HHIP: variants seen among roughly 807,000 people sequenced by gnomAD.
HHIP encodes hedgehog-interacting protein.
HHIP carries 12 observed loss-of-function variants against 74.0 expected under a neutral mutation model. The observed-to-expected ratio is 0.16, with a 90% confidence interval of 0.10 to 0.26. The LOEUF is 0.26. Among genes scored for constraint, HHIP ranks in the 10% least tolerant of loss-of-function variants. The probability of loss-of-function intolerance (pLI) is 1.00; values close to 1 mark genes in which losing one functional copy is unlikely to be tolerated. For synonymous variants in HHIP, 309 were observed against 311.6 expected, an observed-to-expected ratio of 0.99 and a Z score of 0.09; for missense variants, 788 against 845.0, an observed-to-expected ratio of 0.93 and a Z score of 0.84.
intron 2 of HHIP, among the ~76,000 whole-genome samples, chr4:144,655,406 G>A (rs2220514): frequency 0.37 from 55,973 of 151,950 alleles, 11,466 homozygotes; most frequent in South Asian, 0.52. Flanking sequence ...GAAGCATATC[G>A]ATGGACGTCT....
At position 144,719,938 on chromosome 4, in the gene HHIP, A is replaced by T. The variant is rs1730584792; in HGVS notation, c.1760+982A>T. Reference sequence around the variant, plus strand: ...ATTCTTTCTCAATTGCAAATTGTATATGTTTTTCTGAGATTTTGTCCTTTT... The same window carrying T: ...ATTCTTTCTCAATTGCAAATTGTATTTGTTTTTCTGAGATTTTGTCCTTTT... On this transcript the variant is annotated intron_variant, in intron 11 of 12. Transcript: ENST00000296575. Among the ~76,000 whole-genome samples, 3 of 152,172 alleles carry T rather than the reference A, an allele frequency of 2.0e-5. No homozygotes were observed. In the South Asian group the frequency reaches 6.2e-4, roughly 32 times the overall value.
At position 144,646,199 on chromosome 4, in the gene HHIP, C is replaced by T. The variant is rs1249224071; in HGVS notation, c.-477C>T. Reference sequence around the variant, plus strand: ...AGCTGCAGCCGCCGGCAGAGGAGACCTCAGCATCATCTAGAGCCCAGCGCT... The same window carrying T: ...AGCTGCAGCCGCCGGCAGAGGAGACTTCAGCATCATCTAGAGCCCAGCGCT... On this transcript the variant is annotated 5_prime_UTR_variant, in exon 1 of 13. Transcript: ENST00000296575. The T allele has an allele frequency of 1.9e-5, 3 of 156,992 alleles. No homozygotes were observed. Among genetic ancestry groups the T allele is most frequent in the Non-Finnish European group, 4.2e-5 (3 of 70,902 alleles). The allele number at this position is 156,992 out of a possible 1,614,324, so 9.7% of individuals were successfully genotyped here. A position where few individuals can be genotyped will look rare whatever the true frequency, so the allele number is the denominator to read the frequency against.
rs1210616410 is a variant in HHIP at position 144,667,355 on chromosome 4, AT to A, written c.831+7518del. ...CAGAGTCAGACCTCATCTCAAAAAA[AT>A]AATAAATAATAAATAGAACAAAATG... On this transcript the variant is annotated intron_variant, in intron 4 of 12. Coordinates refer to ENST00000296575, the MANE Select transcript of HHIP (RefSeq NM_022475.3). Among the ~76,000 whole-genome samples the A allele has an allele frequency of 2.0e-5, 3 of 152,302 alleles. No homozygotes were observed. The East Asian group carries it at 5.8e-4, about 29-fold the overall frequency.
At chr4:144,677,431 T>G (rs1028214463) in intron 4 of HHIP, among the ~76,000 whole-genome samples, 1 of 152,152 alleles carries the variant, frequency 6.6e-6, no homozygotes, top group African/African-American at 2.4e-5. Flanking sequence ...TCCAGGAGAA[T>G]GAGGGCTGCT....
At chr4:144,695,879 AT>A (rs1415187569) in intron 4 of HHIP, among the ~76,000 whole-genome samples, 1 of 151,868 alleles carries the variant, frequency 6.6e-6, no homozygotes, top group East Asian at 1.9e-4. Flanking sequence ...ATAAGTATAA[AT>A]GTGCATGTCC....
Position 144,706,557 on chromosome 4 carries a change from C to G in HHIP, c.858C>G (p.Ser286Arg). 6.2e-7 allele frequency: 1 copy of G among 1,612,082 alleles called. No homozygotes were observed. Among genetic ancestry groups the G allele is most frequent in the South Asian group, 1.1e-5 (1 of 90,592 alleles). Residue 286 changes from serine (S) to arginine (R), a missense_variant, in exon 5 of 13, where the codon AGC becomes AGG. By Grantham distance (110) the Ser-to-Arg change is moderately radical (BLOSUM62 -1). This residue lies in a region of HHIP where 373 missense variants were observed against 366.4 expected (regional missense o/e 1.02). Coordinates refer to ENST00000296575, the MANE Select transcript of HHIP (RefSeq NM_022475.3). ...IKGGDERGLL[S>R]LAFHPNYKKN... Reference sequence around the variant, plus strand: ...GAGGAGATGAAAGAGGACTGCTAAGCCTCGCATTCCATCCCAATTACAAGA... The same window carrying G: ...GAGGAGATGAAAGAGGACTGCTAAGGCTCGCATTCCATCCCAATTACAAGA...
intron 4 of HHIP, among the ~76,000 whole-genome samples, chr4:144,690,978 CCAAAGTCACTCCAGCA>C: frequency 6.6e-6 from 1 of 152,182 alleles, no homozygotes; most frequent in South Asian, 2.1e-4. Context: ...GCAGGGGATG[CCAAAGTCACTCCAGCA>C]TTAATAAGGG....
rs1187896940 is a variant in HHIP, at chr4:144,715,410, G to C, written c.1658G>C (p.Gly553Ala). The C allele has an allele frequency of 6.2e-7, 1 of 1,613,230 alleles. No individual in the cohort carries two copies. The highest frequency in any genetic ancestry group is 8.5e-7 in the Non-Finnish European group (1 of 1,179,496). ...CRGYFSGHIL[G>A]FGEDELGEVY... is the part of the protein sequence containing the mutation. ...GGCTACTTTTCCGGTCACATCTTGG[G>C]ATTTGGAGAAGATGAACTAGGTACT... Residue 553 changes from glycine (G) to alanine (A), a missense_variant, in exon 10 of 13, where the codon GGA becomes GCA. Gly to Ala is a moderately conservative substitution (Grantham distance 60). Coordinates refer to ENST00000296575, the MANE Select transcript of HHIP (RefSeq NM_022475.3).
In HHIP at chr4:144,738,243, T is replaced by C. The variant is rs1731175420; in HGVS notation, c.*286T>C. 2.0e-6 allele frequency: 2 copies of C among 1,011,760 alleles called. No individual in the cohort carries two copies. The highest frequency in any genetic ancestry group is 9.3e-5 in the South Asian group (2 of 21,590). The allele number at this position is 1,011,760 out of a possible 1,614,324, so 62.7% of individuals were successfully genotyped here. A position where few individuals can be genotyped will look rare whatever the true frequency, so the allele number is the denominator to read the frequency against. On this transcript the variant is annotated 3_prime_UTR_variant, in exon 13 of 13. Transcript: ENST00000296575. ...AGTAATTTACACAGAAATTCCATTG[T>C]AAATTGATAATGGATTTTTTATGTT... is the stretch of plus-strand genomic sequence containing the variant.
intron 11 of HHIP, among the ~76,000 whole-genome samples, chr4:144,724,473 T>C (rs1350105347): frequency 1.3e-5 from 2 of 151,934 alleles, no homozygotes; most frequent in Non-Finnish European, 2.9e-5. Flanking sequence ...GAATCTAAAC[T>C]TTTAATTTTT....
intron 2 of HHIP, among the ~76,000 whole-genome samples, chr4:144,655,251 G>C (rs1728528177): frequency 6.6e-6 from 1 of 152,102 alleles, no homozygotes. Flanking sequence ...TTTTCCAGTT[G>C]TGAATTCACT....
intron 4 of HHIP, among the ~76,000 whole-genome samples, chr4:144,666,897 C>T (rs1042376834): frequency 6.6e-6 from 1 of 152,138 alleles, no homozygotes; most frequent in Non-Finnish European, 1.5e-5. Context: ...AAAGGTCACA[C>T]CTAATATTTT....
At chr4:144,734,917 G>A in intron 12 of HHIP, 28 bp downstream of exon 12, 1 of 1,581,058 alleles carries the variant, frequency 6.3e-7, no homozygotes, top group Non-Finnish European at 8.7e-7. Context: ...CACCTGAAAA[G>A]GACTGGGGAT....
At chr4:144,710,491 T>C (rs1215295458) in intron 7 of HHIP, among the ~76,000 whole-genome samples, 1 of 152,216 alleles carries the variant, frequency 6.6e-6, no homozygotes, top group Non-Finnish European at 1.5e-5. Context: ...TGTTCTTTTA[T>C]AATTTCTACA....
At chr4:144,707,988 T>C in intron 6 of HHIP, 180 bp from the exon 7 acceptor site, 1 of 616,700 alleles carries the variant, frequency 1.6e-6, no homozygotes. Flanking sequence ...AACAATCCTC[T>C]CACCTTGGCT....
At chr4:144,676,677 C>T (rs573161059) in intron 4 of HHIP, among the ~76,000 whole-genome samples, 2 of 152,106 alleles carry the variant, frequency 1.3e-5, no homozygotes, top group Non-Finnish European at 2.9e-5. Flanking sequence ...AGGTAGTTTC[C>T]CCACAGGAAT....
At position 144,741,303 on chromosome 4, in the gene HHIP, CTATT is replaced by C. The variant is rs1273514497; in HGVS notation, c.*3352_*3355del. 1.3e-5 allele frequency: 2 copies of C among 149,860 alleles called. No individual in the cohort carries two copies. The highest frequency in any genetic ancestry group is 4.9e-5 in the African/African-American group (2 of 40,790). 9.3% of individuals were successfully genotyped at this position (149,860 alleles called of 1,614,324 possible). On this transcript the variant is annotated 3_prime_UTR_variant, in exon 13 of 13. Transcript: ENST00000296575. Reference sequence around the variant, plus strand: ...ATGCCCCAGAGAAGTTACTTCTTCCCTATTTATTTCTTTGAAAATAATTACAAAA... The same window carrying C: ...ATGCCCCAGAGAAGTTACTTCTTCCCTATTTCTTTGAAAATAATTACAAAA...
chr4:144,726,701 G>A (rs967850273), intron 11 of HHIP, among the ~76,000 whole-genome samples: 1 of 152,112 alleles, frequency 6.6e-6, no homozygotes, highest in African/African-American at 2.4e-5. Flanking sequence ...CAAGCAAGAG[G>A]TAACGAGAAT....
At chr4:144,690,850 C>T (rs537032597) in intron 4 of HHIP, among the ~76,000 whole-genome samples, 1 of 152,092 alleles carries the variant, frequency 6.6e-6, no homozygotes, top group South Asian at 2.1e-4. Context: ...CTCTTACAGT[C>T]AAAGAAGAAA....
Sources: allele counts gnomAD v4.1 joint callset (sites outside exome capture counted in the v4.1 genomes callset), GRCh38; gene constraint gnomAD v4.1.1; regional missense constraint gnomAD v4.1.1; transcripts MANE v1.5; gene names NCBI Gene and HGNC (gene_info 2026-07-23, HGNC 2026-07-21).